The following PARD3 variants were observed in gnomAD, a reference collection of about 807,000 sequenced individuals.
PARD3 encodes par-3 family cell polarity regulator.
A neutral mutation model predicts 155.4 loss-of-function variants in PARD3; 75 were observed. That is an observed-to-expected ratio of 0.48 (90% confidence interval 0.40 to 0.58). The LOEUF (loss-of-function observed/expected upper bound fraction) is 0.58. Among genes scored for constraint, PARD3 ranks in the 20% least tolerant of loss-of-function variants. The probability of loss-of-function intolerance (pLI) is 0.00; values close to 1 mark genes in which losing one functional copy is unlikely to be tolerated. For missense variants in PARD3, 1,642 were observed against 1,721.7 expected, an observed-to-expected ratio of 0.95 and a Z score of 0.82; for synonymous variants, 576 against 610.5, an observed-to-expected ratio of 0.94 and a Z score of 0.83.
chr10:34,609,923 C>T (rs1299912598), intron 2 of PARD3, among the ~76,000 whole-genome samples: 1 of 152,106 alleles, frequency 6.6e-6, no homozygotes, highest in East Asian at 1.9e-4. Context: ...TTGACATTAC[C>T]GTCAGAAAGG....
intron 3 of PARD3, among the ~76,000 whole-genome samples, chr10:34,491,283 C>A (rs2079887262): frequency 6.6e-6 from 1 of 152,126 alleles, no homozygotes; most frequent in Non-Finnish European, 1.5e-5. Context: ...AGCAAGGACA[C>A]TGAATTTAGC....
intron 22 of PARD3, among the ~76,000 whole-genome samples, chr10:34,163,692 A>C (rs1466868542): frequency 1.3e-5 from 2 of 152,222 alleles, no homozygotes; most frequent in African/African-American, 4.8e-5. Context: ...GCATAAACAA[A>C]TAGCCCTGGG....
intron 2 of PARD3, among the ~76,000 whole-genome samples, chr10:34,673,139 G>A (rs756412069): frequency 1.1e-4 from 17 of 152,054 alleles, no homozygotes; most frequent in East Asian, 1.9e-4. Flanking sequence ...ATGGAGATCC[G>A]GGAAGCACCG....
chr10:34,667,671 C>A lies in PARD3; in HGVS notation c.222+28647G>T, dbSNP rs146579741. Among the ~76,000 whole-genome samples the A allele has an allele frequency of 4.1e-3, 629 of 152,316 alleles. 3 individuals are homozygous for A. Among genetic ancestry groups the A allele is most frequent in the African/African-American group, 0.014 (573 of 41,564 alleles). On this transcript the variant is annotated intron_variant, in intron 2 of 24. Transcript: ENST00000374788. ...TAAGGCATTCACATAGGGGTGATATCGGACAAACTCATCTTTCTAGTCCAG... is the reference window on the plus strand; with the variant it reads ...TAAGGCATTCACATAGGGGTGATATAGGACAAACTCATCTTTCTAGTCCAG...
In PARD3 at chr10:34,382,847, C is replaced by T. The variant is rs760312383; in HGVS notation, c.1092G>A (p.Glu364=). Residue 364 remains glutamate, a synonymous_variant, in exon 9 of 25, where the codon GAG becomes GAA. Transcript: ENST00000374788. ...CACTTTGGGATAGTTGTTCATACTGCTCTTTATTTGCTGCAGGAACCACAT... is the reference window on the plus strand; with the variant it reads ...CACTTTGGGATAGTTGTTCATACTGTTCTTTATTTGCTGCAGGAACCACAT... The part of the protein sequence containing the change: ...WFHVVPAANK[E]QYEQLSQSEK... 1 of 1,614,022 alleles carries T rather than the reference C, an allele frequency of 6.2e-7. No individual in the cohort carries two copies. The highest frequency in any genetic ancestry group is 1.7e-5 in the Admixed American group (1 of 60,002).
At chr10:34,413,225 T>TA (rs1479464827) in intron 5 of PARD3, among the ~76,000 whole-genome samples, 1 of 151,626 alleles carries the variant, frequency 6.6e-6, no homozygotes, top group Non-Finnish European at 1.5e-5. Context: ...AAGTCAATTT[T>TA]AAAAAATAGG....
intron 15 of PARD3, chr10:34,346,108 G>C (rs1424783219): frequency 9.9e-7 from 1 of 1,006,292 alleles, no homozygotes. Context: ...ACAGAACTGG[G>C]AGAGAAGTTA....
At chr10:34,692,779 C>A (rs1029746888) in intron 2 of PARD3, among the ~76,000 whole-genome samples, 10 of 152,248 alleles carry the variant, frequency 6.6e-5, no homozygotes, top group Admixed American at 2.0e-4. Context: ...GAGGCTGAGG[C>A]CAGAGAATCG....
intron 2 of PARD3, among the ~76,000 whole-genome samples, chr10:34,573,185 T>G (rs1311228155): frequency 1.3e-5 from 2 of 151,316 alleles, no homozygotes; most frequent in Non-Finnish European, 2.9e-5. Context: ...AGAGGCCCCA[T>G]CTCTACAAAA....
intron 1 of PARD3, among the ~76,000 whole-genome samples, chr10:34,704,524 C>T (rs1031423376): frequency 6.6e-6 from 1 of 152,012 alleles, no homozygotes; most frequent in African/African-American, 2.4e-5. Context: ...AGCACACATA[C>T]GGTAGTGAAA....
At chr10:34,436,058 T>A (rs1347557243) in intron 5 of PARD3, among the ~76,000 whole-genome samples, 1 of 152,180 alleles carries the variant, frequency 6.6e-6, no homozygotes, top group East Asian at 1.9e-4. Flanking sequence ...TATAAAAATA[T>A]GAATCAAATA....
At chr10:34,507,633 A>C (rs925167330) in intron 3 of PARD3, among the ~76,000 whole-genome samples, 1 of 152,122 alleles carries the variant, frequency 6.6e-6, no homozygotes, top group African/African-American at 2.4e-5. Flanking sequence ...CCCATAAAAC[A>C]ACTTCTGATG....
intron 2 of PARD3, among the ~76,000 whole-genome samples, chr10:34,641,177 A>C (rs2092667041): frequency 6.6e-6 from 1 of 152,200 alleles, no homozygotes; most frequent in Non-Finnish European, 1.5e-5. Flanking sequence ...TGACCTCCTT[A>C]CCACGAACAC....
At chr10:34,310,426 T>C (rs1223498602) in intron 20 of PARD3, among the ~76,000 whole-genome samples, 1 of 152,206 alleles carries the variant, frequency 6.6e-6, no homozygotes, top group Non-Finnish European at 1.5e-5. Flanking sequence ...CTCAGAACTG[T>C]CAAGAATTTC....
At chr10:34,191,596 C>CT (rs1950709220) in intron 22 of PARD3, among the ~76,000 whole-genome samples, 1 of 125,396 alleles carries the variant, frequency 8.0e-6, no homozygotes, top group East Asian at 2.9e-4. Context: ...CCAGAAGATG[C>CT]TTTTCAATTC....
chr10:34,344,966 G>A lies in PARD3; in HGVS notation c.2218+2999C>T, dbSNP rs1052450683. On this transcript the variant is annotated intron_variant, in intron 15 of 24. Coordinates refer to ENST00000374788, the MANE Select transcript of PARD3 (RefSeq NM_001184785.2). ...GTTGGCTGGAGTATGTGGTTTGAAG[G>A]CTGCTTTCAAAGATTTAACGTCTTT... is the stretch of plus-strand genomic sequence containing the variant. 19 of 985,212 alleles carry A rather than the reference G, an allele frequency of 1.9e-5. No individual in the cohort carries two copies. In the Admixed American group the frequency reaches 4.3e-4, roughly 22 times the overall value. 61.0% of individuals were successfully genotyped at this position (985,212 alleles called of 1,614,324 possible).
intron 2 of PARD3, among the ~76,000 whole-genome samples, chr10:34,655,034 G>A (rs960078393): frequency 6.6e-6 from 1 of 151,310 alleles, no homozygotes; most frequent in Non-Finnish European, 1.5e-5. Context: ...ACCATTTGCT[G>A]AGCACGTCAA....
At chr10:34,787,147 C>T (rs939568254) in intron 1 of PARD3, among the ~76,000 whole-genome samples, 7 of 152,106 alleles carry the variant, frequency 4.6e-5, no homozygotes, top group Admixed American at 1.3e-4. Flanking sequence ...TTTGGGAGGC[C>T]GAGGCAGGCA....
intron 5 of PARD3, among the ~76,000 whole-genome samples, chr10:34,445,010 A>C (rs1444887526): frequency 6.6e-6 from 1 of 152,188 alleles, no homozygotes; most frequent in Non-Finnish European, 1.5e-5. Context: ...CGACTAAAGG[A>C]AGATGGCCAT....
Sources: gnomAD v4.1 joint callset for allele counts (sites outside exome capture counted in the v4.1 genomes callset) on GRCh38, gnomAD v4.1.1 for gene constraint, MANE v1.5 for transcripts, NCBI Gene and HGNC (gene_info 2026-07-23, HGNC 2026-07-21) for gene names.